SALL4: variants seen among roughly 807,000 people sequenced by gnomAD.
SALL4 encodes the protein sal-like protein 4.
Under a neutral mutation model 60.8 loss-of-function variants are expected in SALL4, and 4 were observed. That is an observed-to-expected ratio of 0.07 (90% CI 0.03 to 0.15). The LOEUF (loss-of-function observed/expected upper bound fraction) is 0.15, where lower values mean the gene tolerates loss of function less well. SALL4 is among the 10% of genes least tolerant of loss of function. The probability of loss-of-function intolerance (pLI) is 1.00; values close to 1 mark genes in which losing one functional copy is unlikely to be tolerated. For synonymous variants in SALL4, 580 were observed against 574.9 expected, an observed-to-expected ratio of 1.01 and a Z score of -0.13; for missense variants, 1,178 against 1,394.7, an observed-to-expected ratio of 0.84 and a Z score of 2.48.
intron 1 of SALL4, chr20:51,797,511 C>G (rs1220322081): frequency 2.0e-5 from 3 of 152,150 alleles, no homozygotes; most frequent in Non-Finnish European, 4.4e-5. Flanking sequence ...ACAGCAGCAG[C>G]TCTGTTTGCT....
rs773682459 is a variant in SALL4, at chr20:51,791,382, G to A, written c.1101C>T (p.Ser367=). Reference sequence around the variant, plus strand: ...CGTCTTTGGGTTTGACATCCACCGCGGAGATGTTCGGTGGCTTCCCCTTCC... The same window carrying A: ...CGTCTTTGGGTTTGACATCCACCGCAGAGATGTTCGGTGGCTTCCCCTTCC... ...KKGKGKPPNI[S]AVDVKPKDEA... Residue 367 remains serine (S), a synonymous_variant, in exon 2 of 4, where the codon TCC becomes TCT. Coordinates refer to ENST00000217086, the MANE Select transcript of SALL4 (RefSeq NM_020436.5). The surrounding 1 kb of genome is among the most constrained non-coding windows in gnomAD (Gnocchi z 4.6). The A allele has an allele frequency of 5.6e-6, 9 of 1,614,202 alleles. No individual in the cohort carries two copies. The highest frequency in any genetic ancestry group is 5.3e-5 in the African/African-American group (4 of 75,056).
Position 51,791,886 on chromosome 20 carries a change from A to T in SALL4, c.597T>A (p.Asp199Glu). Residue 199 changes from aspartate to glutamate, a missense_variant, in exon 2 of 4, where the codon GAT (aspartate) becomes GAA (glutamate). Around this residue, in one of 5 missense-constraint regions of SALL4, gnomAD observed 853 missense variants for 1,036.8 expected, o/e 0.82. Transcript: ENST00000217086. The surrounding 1 kb of genome is among the most constrained non-coding windows in gnomAD (Gnocchi z 4.6). Reference sequence around the variant, plus strand: ...CACCAGGCACGGGGGCAGGGAGTGCATCCGCGCTCCGCTGATTCACCGCCA... The same window carrying T: ...CACCAGGCACGGGGGCAGGGAGTGCTTCCGCGCTCCGCTGATTCACCGCCA... ...TKVAVNQRSA[D>E]ALPAPVPGAN... is the part of the protein sequence containing the mutation. 1 of 1,614,138 alleles carries T rather than the reference A, an allele frequency of 6.2e-7. No homozygotes were observed. Among genetic ancestry groups the T allele is most frequent in the Non-Finnish European group, 8.5e-7 (1 of 1,180,014 alleles).
rs752102513 is a variant in SALL4 at position 51,791,185 on chromosome 20, G to C, written c.1298C>G (p.Pro433Arg). 1.3e-5 allele frequency: 21 copies of C among 1,614,038 alleles called. No homozygotes were observed. Among genetic ancestry groups the C allele is most frequent in the Non-Finnish European group, 3.4e-6 (4 of 1,180,036 alleles). The change falls in exon 2 of 4, where the codon CCC becomes CGC. Residue 433 changes from proline to arginine, a missense_variant. By Grantham distance (103) the Pro-to-Arg change is moderately radical (BLOSUM62 -2). Transcript: ENST00000217086. This position sits in a 1 kb window ranked among gnomAD's most constrained non-coding sequence, Gnocchi z 4.6. ...GNLKVHFHRHPQVKANPQLFA... is the reference protein window; with the variant it reads ...GNLKVHFHRHRQVKANPQLFA... ...CAGCTGGGGGTTTGCCTTCACCTGGGGATGTCGGTGAAAGTGCACCTTGAG... is the reference window on the plus strand; with the variant it reads ...CAGCTGGGGGTTTGCCTTCACCTGGCGATGTCGGTGAAAGTGCACCTTGAG...
At chr20:51,789,941 C>G in intron 2 of SALL4, 81 bp downstream of exon 2, 1 of 1,568,404 alleles carries the variant, frequency 6.4e-7, no homozygotes, top group African/African-American at 1.4e-5. Context: ...TCATACTCTC[C>G]GTTTGTAAAG....
At chr20:51,792,900 T>C (rs2078058090) in intron 1 of SALL4, 1 of 1,003,558 alleles carries the variant, frequency 1.0e-6, no homozygotes, top group Non-Finnish European at 1.2e-6. Context: ...CTCTCAGGTA[T>C]ACCCCATCAT....
At chr20:51,799,060 C>A (rs1201853094) in intron 1 of SALL4, among the ~76,000 whole-genome samples, 1 of 152,142 alleles carries the variant, frequency 6.6e-6, no homozygotes, top group African/African-American at 2.4e-5. Flanking sequence ...GAGTCCCCAG[C>A]CTGGTGTCTG....
chr20:51,798,955 C>G (rs1442716754), intron 1 of SALL4, among the ~76,000 whole-genome samples: 3 of 152,076 alleles, frequency 2.0e-5, no homozygotes, highest in Non-Finnish European at 4.4e-5. Context: ...GCACCACGGG[C>G]AAAGCCATTT....
intron 1 of SALL4, among the ~76,000 whole-genome samples, chr20:51,794,682 G>A (rs2078069683): frequency 6.6e-6 from 1 of 152,098 alleles, no homozygotes; most frequent in African/African-American, 2.4e-5. Context: ...GTATGTGCCA[G>A]GTATGATTCT....
rs368912905 is a variant in SALL4, at chr20:51,790,746, G to C, written c.1737C>G (p.Ser579Arg). Residue 579 changes from serine (S) to arginine (R), a missense_variant, in exon 2 of 4, where the codon AGC becomes AGG. Around this residue, in one of 5 missense-constraint regions of SALL4, gnomAD observed 853 missense variants for 1,036.8 expected, o/e 0.82. Transcript: ENST00000217086. This position sits in a 1 kb window ranked among gnomAD's most constrained non-coding sequence, Gnocchi z 5.5. ...LICHRVLSCQ[S>R]SLKMHYRTHT... ...GGGTGCGATAATGCATCTTGAGGGA[G>C]CTCTGACAGCTTAAGACTCGGTGGC... is the stretch of plus-strand genomic sequence containing the variant. The C allele has an allele frequency of 1.9e-4, 301 of 1,614,044 alleles. No individual in the cohort carries two copies. The highest frequency in any genetic ancestry group is 2.3e-4 in the Non-Finnish European group (274 of 1,180,046).
At chr20:51,799,606 C>T (rs565071337) in intron 1 of SALL4, among the ~76,000 whole-genome samples, 11 of 152,292 alleles carry the variant, frequency 7.2e-5, no homozygotes, top group Admixed American at 1.3e-4. Flanking sequence ...TGAAGTCTAA[C>T]GTAGAAAGTT....
Position 51,788,898 on chromosome 20 carries a change from A to C in SALL4, c.2705T>G (p.Ile902Ser). ...HTGEKPFVCN[I>S]CGRAFTTKGN... ...TTTGGTGGTAAAAGCTCGCCCACAA[A>C]TGTTGCACACAAAAGGCTTCTCTCC... is the stretch of plus-strand genomic sequence containing the variant. Residue 902 changes from isoleucine (I) to serine (S), a missense_variant, in exon 3 of 4, where the codon ATT (isoleucine) becomes AGT (serine). Transcript: ENST00000217086. The surrounding 1 kb of genome is among the most constrained non-coding windows in gnomAD (Gnocchi z 4.1). The C allele has an allele frequency of 6.2e-7, 1 of 1,614,172 alleles. No homozygotes were observed.
chr20:51,797,134 T>C (rs549261673), intron 1 of SALL4, among the ~76,000 whole-genome samples: 5 of 152,102 alleles, frequency 3.3e-5, no homozygotes, highest in African/African-American at 4.8e-5. Flanking sequence ...GACTTTGTCA[T>C]CAGTGGAGAC....
chr20:51,797,162 A>C (rs1318454722), intron 1 of SALL4, among the ~76,000 whole-genome samples: 7 of 151,874 alleles, frequency 4.6e-5, no homozygotes, highest in African/African-American at 1.7e-4. Flanking sequence ...ATTTTCATAT[A>C]GTGTTACAAG....
At chr20:51,796,373 G>A (rs2078080162) in intron 1 of SALL4, among the ~76,000 whole-genome samples, 1 of 152,108 alleles carries the variant, frequency 6.6e-6, no homozygotes, top group South Asian at 2.1e-4. Flanking sequence ...CTTAAGGCAA[G>A]CTTGTCCAAA....
chr20:51,799,468 G>A (rs963689319), intron 1 of SALL4, among the ~76,000 whole-genome samples: 6 of 152,192 alleles, frequency 3.9e-5, no homozygotes, highest in Admixed American at 1.3e-4. Flanking sequence ...CCAACCCACA[G>A]CCCAGGAGGA....
In SALL4 at chr20:51,789,146, T is replaced by A; in HGVS notation, c.2462-5A>T. On this transcript the variant is annotated splice_polypyrimidine_tract_variant and splice_region_variant and intron_variant, in intron 2 of 3. Transcript: ENST00000217086. ...TGGAAGGGAGACTGCTCCGACCTAG[T>A]ACACAGAGGGGAAAAAAGCCAGACC... The A allele has an allele frequency of 6.2e-7, 1 of 1,613,496 alleles. No homozygotes were observed.
At chr20:51,794,102 G>A (rs1229457702) in intron 1 of SALL4, among the ~76,000 whole-genome samples, 1 of 152,364 alleles carries the variant, frequency 6.6e-6, no homozygotes, top group South Asian at 2.1e-4. Context: ...CAGGACTGCT[G>A]AGAACAATGC....
chr20:51,795,402 G>A (rs890348808), intron 1 of SALL4, among the ~76,000 whole-genome samples: 5 of 151,940 alleles, frequency 3.3e-5, no homozygotes, highest in Non-Finnish European at 5.9e-5. Context: ...GCGAGACTCC[G>A]TGTCAAAAAA....
chr20:51,790,856 C>T lies in SALL4; in HGVS notation c.1627G>A (p.Glu543Lys), dbSNP rs754740156. The T allele has an allele frequency of 5.6e-6, 9 of 1,613,988 alleles. No individual in the cohort carries two copies. The highest frequency in any genetic ancestry group is 7.6e-6 in the Non-Finnish European group (9 of 1,180,026). ...AGGFQGSGTP[E>K]PGSETLKLQQ... The stretch of plus-strand genomic sequence containing the variant: ...AATTTCAGGGTCTCTGACCCTGGCT[C>T]AGGGGTCCCACTCCCTTGGAAGCCA... Residue 543 changes from glutamate (E) to lysine (K), a missense_variant, in exon 2 of 4, where the codon GAG becomes AAG. Glu to Lys is a moderately conservative substitution (Grantham distance 56). Coordinates refer to ENST00000217086, the MANE Select transcript of SALL4 (RefSeq NM_020436.5). This position sits in a 1 kb window ranked among gnomAD's most constrained non-coding sequence, Gnocchi z 5.5.
Sources: allele counts gnomAD v4.1 joint callset (sites outside exome capture counted in the v4.1 genomes callset), GRCh38; gene constraint gnomAD v4.1.1; regional missense constraint gnomAD v4.1.1; non-coding constraint Gnocchi (gnomAD v3.1); transcripts MANE v1.5; gene names NCBI Gene and HGNC (gene_info 2026-07-23, HGNC 2026-07-21).